ATP9B: variants seen among roughly 807,000 people sequenced by gnomAD.
ATP9B encodes ATPase phospholipid transporting 9B.
A neutral mutation model predicts 146.1 loss-of-function variants in ATP9B; 110 were observed. The observed-to-expected ratio is 0.75, with a 90% CI of 0.65 to 0.88. The LOEUF is 0.88. Among genes scored for constraint, ATP9B ranks in the 40% least tolerant of loss-of-function variants. The pLI, the probability that ATP9B is intolerant of heterozygous loss-of-function variation, is 0.00. For missense variants in ATP9B, 1,499 were observed against 1,496.4 expected, an observed-to-expected ratio of 1.00 and a Z score of -0.03; for synonymous variants, 604 against 569.7, an observed-to-expected ratio of 1.06 and a Z score of -0.86.
intron 8 of ATP9B, among the ~76,000 whole-genome samples, chr18:79,184,877 G>A (rs894259013): frequency 6.6e-6 from 1 of 152,026 alleles, no homozygotes; most frequent in African/African-American, 2.4e-5. Context: ...AAGCAGCTTG[G>A]GAGCAAGTCA....
chr18:79,212,183 G>A (rs1052663187), intron 10 of ATP9B, among the ~76,000 whole-genome samples: 6 of 152,114 alleles, frequency 3.9e-5, no homozygotes, highest in Non-Finnish European at 8.8e-5. Flanking sequence ...TTCTAGTTAC[G>A]TTAGATATTA....
chr18:79,236,382 G>C (rs988418517), intron 11 of ATP9B, among the ~76,000 whole-genome samples: 1 of 152,028 alleles, frequency 6.6e-6, no homozygotes, highest in African/African-American at 2.4e-5. Context: ...GTATATCCGG[G>C]TTATTTTCTC....
intron 10 of ATP9B, among the ~76,000 whole-genome samples, chr18:79,208,643 A>G (rs981484539): frequency 1.3e-5 from 2 of 152,170 alleles, no homozygotes; most frequent in Non-Finnish European, 2.9e-5. Flanking sequence ...TGATGGGTAT[A>G]TGACAGTTTT....
chr18:79,311,267 T>G (rs1023378270), intron 15 of ATP9B, among the ~76,000 whole-genome samples: 1 of 152,244 alleles, frequency 6.6e-6, no homozygotes, highest in South Asian at 2.1e-4. Flanking sequence ...CCTTTTGACT[T>G]ACTTTTAGGA....
intron 19 of ATP9B, chr18:79,340,562 G>A (rs1205767086): frequency 6.6e-6 from 1 of 152,076 alleles, no homozygotes; most frequent in Admixed American, 6.6e-5. Context: ...TTTTTTTTCT[G>A]CTTCCTGTTT....
chr18:79,293,608 G>T (rs1462525825), intron 13 of ATP9B, among the ~76,000 whole-genome samples: 1 of 152,156 alleles, frequency 6.6e-6, no homozygotes, highest in Non-Finnish European at 1.5e-5. Flanking sequence ...CTCAGCCTCG[G>T]ACTTTCCAGC....
chr18:79,320,085 G>A (rs1479804616), intron 15 of ATP9B, among the ~76,000 whole-genome samples: 1 of 152,182 alleles, frequency 6.6e-6, no homozygotes, highest in East Asian at 1.9e-4. Flanking sequence ...TTATGGTTTT[G>A]CCTGTGTCTT....
At chr18:79,164,491 G>A (rs1044035140) in intron 7 of ATP9B, among the ~76,000 whole-genome samples, 12 of 152,184 alleles carry the variant, frequency 7.9e-5, no homozygotes, top group East Asian at 3.9e-4. Flanking sequence ...CGAGGCAGGC[G>A]GATCACGAGG....
intron 7 of ATP9B, chr18:79,174,324 A>C (rs1331226115): frequency 1.1e-5 from 2 of 177,842 alleles, no homozygotes; most frequent in Non-Finnish European, 2.4e-5. Context: ...CGTATGTCTC[A>C]TTTGGATGAA....
chr18:79,156,969 G>A (rs951445554), intron 7 of ATP9B, among the ~76,000 whole-genome samples: 3 of 152,178 alleles, frequency 2.0e-5, no homozygotes, highest in Non-Finnish European at 1.5e-5. Context: ...ACAGAGGCCA[G>A]AATACATAAC....
At chr18:79,099,952 C>G (rs1032249231) in intron 2 of ATP9B, among the ~76,000 whole-genome samples, 1 of 152,082 alleles carries the variant, frequency 6.6e-6, no homozygotes, top group African/African-American at 2.4e-5. Flanking sequence ...CAGTGAAACC[C>G]TGTCTCTACT....
chr18:79,070,362 G>A (rs1211023257), intron 1 of ATP9B, among the ~76,000 whole-genome samples: 1 of 152,162 alleles, frequency 6.6e-6, no homozygotes, highest in Admixed American at 6.5e-5. Flanking sequence ...GTACATACTG[G>A]AATGTTATAA....
chr18:79,124,885 T>C (rs550856395), intron 4 of ATP9B, among the ~76,000 whole-genome samples: 25 of 151,760 alleles, frequency 1.6e-4, no homozygotes, highest in African/African-American at 6.0e-4. Context: ...GTGGGATGGG[T>C]AGAGAATTAG....
intron 29 of ATP9B, chr18:79,375,859 T>C (rs2097099118): frequency 1.0e-6 from 1 of 985,326 alleles, no homozygotes; most frequent in Non-Finnish European, 1.2e-6. Context: ...TCCATAGATC[T>C]TTTTATCCCA....
chr18:79,314,110 A>G (rs2096666932), intron 15 of ATP9B, among the ~76,000 whole-genome samples: 1 of 152,234 alleles, frequency 6.6e-6, no homozygotes, highest in South Asian at 2.1e-4. Context: ...TATTTAGGGA[A>G]ATGGTTCAAT....
In ATP9B at chr18:79,238,852, GGACGCAGTGAAGCGGATGCAGTGACGCA is replaced by G. The variant is rs545946143; in HGVS notation, c.1108-14522_1108-14495del. 2.4e-3 allele frequency among the ~76,000 whole-genome samples: 369 copies of G among 152,336 alleles called. 2 individuals carry two copies. Among genetic ancestry groups the G allele is most frequent in the South Asian group, 6.4e-3 (31 of 4,828 alleles). ...GCAGTGGCCACATGGGCAGTGACGC[GGACGCAGTGAAGCGGATGCAGTGACGCA>G]GACGCACTGCTTAGATTTCAGAGTA... is the stretch of plus-strand genomic sequence containing the variant. On this transcript the variant is annotated intron_variant, in intron 11 of 29. Coordinates refer to ENST00000426216, the MANE Select transcript of ATP9B (RefSeq NM_198531.5).
chr18:79,294,766 C>T (rs972940365), intron 13 of ATP9B, among the ~76,000 whole-genome samples: 2 of 152,150 alleles, frequency 1.3e-5, no homozygotes, highest in African/African-American at 4.8e-5. Context: ...ATGATACTGA[C>T]ATGCCCATGG....
At chr18:79,072,149 T>TTTTAA (rs1459470169) in intron 1 of ATP9B, among the ~76,000 whole-genome samples, 1 of 152,164 alleles carries the variant, frequency 6.6e-6, no homozygotes, top group Non-Finnish European at 1.5e-5. Flanking sequence ...ATTCTTTTTT[T>TTTTAA]TTTTAATTTT....
At chr18:79,177,607 C>G (rs1455847191) in intron 8 of ATP9B, among the ~76,000 whole-genome samples, 1 of 152,088 alleles carries the variant, frequency 6.6e-6, no homozygotes, top group Non-Finnish European at 1.5e-5. Context: ...TGATATTTGC[C>G]AATTAAAAAG....
Sources: allele counts gnomAD v4.1 joint callset (sites outside exome capture counted in the v4.1 genomes callset), GRCh38; gene constraint gnomAD v4.1.1; transcripts MANE v1.5; gene names NCBI Gene and HGNC (gene_info 2026-07-23, HGNC 2026-07-21).